Variants in FMNL1 observed in about 807,000 individuals in gnomAD.
FMNL1 encodes the protein formin like 1.
In FMNL1, 43 loss-of-function variants were observed where a neutral mutation model predicts 121.3. The observed-to-expected ratio is 0.35, with a 90% CI of 0.28 to 0.46. The LOEUF is 0.46. Ranked by LOEUF, FMNL1 falls within the 20% of genes least tolerant of loss-of-function variation. The probability of loss-of-function intolerance (pLI) is 1.00; values close to 1 mark genes in which losing one functional copy is unlikely to be tolerated. For synonymous variants in FMNL1, 613 were observed against 613.5 expected, an observed-to-expected ratio of 1.00 and a Z score of 0.01; for missense variants, 1,191 against 1,482.4, an observed-to-expected ratio of 0.80 and a Z score of 3.23.
At chr17:45,229,249 C>T (rs2043391600) in intron 1 of FMNL1, among the ~76,000 whole-genome samples, 1 of 152,258 alleles carries the variant, frequency 6.6e-6, no homozygotes, top group Non-Finnish European at 1.5e-5. Context: ...TCCAGCAGGG[C>T]CTGGCCGGAA....
chr17:45,238,691 A>G, intron 10 of FMNL1, 53 bp downstream of exon 10: 1 of 1,608,070 alleles, frequency 6.2e-7, no homozygotes, highest in Non-Finnish European at 8.5e-7. Flanking sequence ...TCTTGGGTGC[A>G]GGGAGCAGCT....
Position 45,233,743 on chromosome 17 carries a change from G to C in FMNL1, c.485+12G>C. 6.2e-7 allele frequency: 1 copy of C among 1,613,674 alleles called. No homozygotes were observed. Among genetic ancestry groups the C allele is most frequent in the Middle Eastern group, 1.6e-4 (1 of 6,062 alleles). On this transcript the variant is annotated intron_variant, in intron 5 of 26. Coordinates refer to ENST00000331495, the MANE Select transcript of FMNL1 (RefSeq NM_005892.4). This position sits in a 1 kb window ranked among gnomAD's most constrained non-coding sequence, Gnocchi z 4.1. ...CAGTGCTCTGTCACGTAAGCCCCCT[G>C]CTCCCAGCCCTCATGCCGCTCCTCA...
rs998835559 is a variant in FMNL1, at chr17:45,241,788, C to T, written c.1586-59C>T. The stretch of plus-strand genomic sequence containing the variant: ...CGTAGAGCGGAGAGGCGGAGAGGGG[C>T]CCACCCAAGTCAAGGAGCTGACTCG... On this transcript the variant is annotated intron_variant, in intron 14 of 26. Transcript: ENST00000331495. This position sits in a 1 kb window ranked among gnomAD's most constrained non-coding sequence, Gnocchi z 7.0. 30 of 1,402,890 alleles carry T rather than the reference C, an allele frequency of 2.1e-5. No homozygotes were observed. The African/African-American group carries it at 3.6e-4, about 17-fold the overall frequency. The allele number at this position is 1,402,890 out of a possible 1,614,324, so 86.9% of individuals were successfully genotyped here. A position where few individuals can be genotyped will look rare whatever the true frequency, so the allele number is the denominator to read the frequency against.
intron 7 of FMNL1, chr17:45,236,666 G>A (rs956186248): frequency 6.3e-6 from 1 of 159,854 alleles, no homozygotes; most frequent in African/African-American, 2.4e-5. Flanking sequence ...GAAACACAAA[G>A]GTTTTTAAAA....
chr17:45,239,386 A>C (rs1598201682), intron 11 of FMNL1: 1 of 300,794 alleles, frequency 3.3e-6, no homozygotes, highest in South Asian at 4.4e-5. Flanking sequence ...CTCTGGGAGC[A>C]CCAGCCTCAG....
At chr17:45,245,997 G>A (rs1598215118) in intron 24 of FMNL1, 24 bp downstream of exon 24, 1 of 1,533,722 alleles carries the variant, frequency 6.5e-7, no homozygotes, top group Non-Finnish European at 8.7e-7. Context: ...CCTGGGCTTG[G>A]TACTGGGCTG....
chr17:45,237,155 C>T lies in FMNL1; in HGVS notation c.724-126C>T, dbSNP rs1371904061. ...AGAAACAAGGCCAGGTTTTGGTGGC[C>T]ACAGAAGTTGCGGTTGGATACAAAG... On this transcript the variant is annotated intron_variant, in intron 7 of 26. Coordinates refer to ENST00000331495, the MANE Select transcript of FMNL1 (RefSeq NM_005892.4). This position sits in a 1 kb window ranked among gnomAD's most constrained non-coding sequence, Gnocchi z 4.4. The T allele has an allele frequency of 2.6e-6, 2 of 781,946 alleles. No individual in the cohort carries two copies. The highest frequency in any genetic ancestry group is 1.8e-5 in the African/African-American group (1 of 56,796). The allele number at this position is 781,946 out of a possible 1,614,324, so 48.4% of individuals were successfully genotyped here.
chr17:45,233,259 A>G lies in FMNL1; in HGVS notation c.363A>G (p.Leu121=), dbSNP rs2043478036. The change falls in exon 4 of 27, where the codon CTA becomes CTG. Residue 121 remains leucine (L), a synonymous_variant. Coordinates refer to ENST00000331495, the MANE Select transcript of FMNL1 (RefSeq NM_005892.4). This position sits in a 1 kb window ranked among gnomAD's most constrained non-coding sequence, Gnocchi z 4.1. ...GAGTTCAGGAGTCCACGCAGGTGCTACGGGAGCTGGAGACCTCCCTGAGGA... is the reference window on the plus strand; with the variant it reads ...GAGTTCAGGAGTCCACGCAGGTGCTGCGGGAGCTGGAGACCTCCCTGAGGA... ...KRRVQESTQV[L]RELETSLRTN... 1.9e-6 allele frequency: 3 copies of G among 1,562,036 alleles called. No homozygotes were observed. The highest frequency in any genetic ancestry group is 4.7e-5 in the East Asian group (2 of 42,392).
At chr17:45,234,007 C>G in intron 5 of FMNL1, 65 bp from the exon 6 acceptor site, 1 of 1,585,356 alleles carries the variant, frequency 6.3e-7, no homozygotes, top group Non-Finnish European at 8.6e-7. Context: ...CCTTGCGTTT[C>G]CTCTGCCCCC....
At chr17:45,239,694 T>C (rs933568862) in intron 11 of FMNL1, among the ~76,000 whole-genome samples, 2 of 152,154 alleles carry the variant, frequency 1.3e-5, no homozygotes, top group African/African-American at 4.8e-5. Flanking sequence ...TGGAGTATTA[T>C]TCAGCCACAA....
Position 45,241,003 on chromosome 17 carries a change from C to A in FMNL1, c.1231-126C>A. The stretch of plus-strand genomic sequence containing the variant: ...AGTGCCAGGCTCGGCCCACCCTTGG[C>A]ACCTGGGCTGAGCGGATCTGGGAGC... On this transcript the variant is annotated intron_variant, in intron 12 of 26. Transcript: ENST00000331495. This position sits in a 1 kb window ranked among gnomAD's most constrained non-coding sequence, Gnocchi z 7.0. 2.5e-6 allele frequency: 3 copies of A among 1,223,054 alleles called. No individual in the cohort carries two copies. Among genetic ancestry groups the A allele is most frequent in the Admixed American group, 2.0e-5 (1 of 49,656 alleles). 75.8% of individuals were successfully genotyped at this position (1,223,054 alleles called of 1,614,324 possible). A position where few individuals can be genotyped will look rare whatever the true frequency, so the allele number is the denominator to read the frequency against.
intron 10 of FMNL1, 132 bp from the exon 11 acceptor site, chr17:45,238,823 G>T: frequency 9.4e-7 from 1 of 1,060,888 alleles, no homozygotes; most frequent in Non-Finnish European, 1.4e-6. Flanking sequence ...TGAAATGTTG[G>T]GCAGGCCAAG....
At chr17:45,240,697 A>T (rs991848441) in intron 12 of FMNL1, 72 bp downstream of exon 12, 18 of 1,542,072 alleles carry the variant, frequency 1.2e-5, no homozygotes, top group Non-Finnish European at 1.6e-5. Context: ...GGGCCACGCA[A>T]GCATGGGCAC....
chr17:45,239,210 C>G (rs1230685320), intron 11 of FMNL1, 145 bp downstream of exon 11: 2 of 642,942 alleles, frequency 3.1e-6, no homozygotes, highest in Non-Finnish European at 5.7e-6. Flanking sequence ...TTGGATAGGC[C>G]TCTTCCTCTC....
chr17:45,239,461 C>T lies in FMNL1; in HGVS notation c.1080+396C>T, dbSNP rs369143072. ...GATACAGGGTAGAAGCAGGAGTTGG[C>T]TCATGCTGGATGGGCCCAGGACATG... On this transcript the variant is annotated intron_variant, in intron 11 of 26. Coordinates refer to ENST00000331495, the MANE Select transcript of FMNL1 (RefSeq NM_005892.4). 1.2e-3 allele frequency among the ~76,000 whole-genome samples: 178 copies of T among 152,288 alleles called. 4 individuals are homozygous for T. The highest frequency in any genetic ancestry group is 4.1e-3 in the African/African-American group (171 of 41,576).
intron 12 of FMNL1, 43 bp downstream of exon 12, chr17:45,240,668 A>T: frequency 6.3e-7 from 1 of 1,592,184 alleles, no homozygotes; most frequent in Non-Finnish European, 8.6e-7. Flanking sequence ...TCATAGGCCC[A>T]CAGGGCACAC....
At position 45,241,758 on chromosome 17, in the gene FMNL1, G is replaced by T. The variant is rs903465070; in HGVS notation, c.1586-89G>T. On this transcript the variant is annotated intron_variant, in intron 14 of 26. Coordinates refer to ENST00000331495, the MANE Select transcript of FMNL1 (RefSeq NM_005892.4). This position sits in a 1 kb window ranked among gnomAD's most constrained non-coding sequence, Gnocchi z 7.0. ...TTGTAGGCTCGGCTCAGGTAGGAGC[G>T]CATGCGTAGAGCGGAGAGGCGGAGA... 12 of 1,425,218 alleles carry T rather than the reference G, an allele frequency of 8.4e-6. No individual in the cohort carries two copies. The highest frequency in any genetic ancestry group is 1.4e-5 in the African/African-American group (1 of 69,112). The allele number at this position is 1,425,218 out of a possible 1,614,324, so 88.3% of individuals were successfully genotyped here.
chr17:45,233,660 G>T lies in FMNL1; in HGVS notation c.414G>T (p.Glu138Asp). Residue 138 changes from glutamate to aspartate, a missense_variant, in exon 5 of 27, where the codon GAG becomes GAT. Physicochemically the swap from Glu to Asp is conservative, Grantham distance 45. Around this residue, in one of 4 missense-constraint regions of FMNL1, gnomAD observed 253 missense variants for 417.5 expected, o/e 0.61. Coordinates refer to ENST00000331495, the MANE Select transcript of FMNL1 (RefSeq NM_005892.4). This position sits in a 1 kb window ranked among gnomAD's most constrained non-coding sequence, Gnocchi z 4.1. ...CCTGTGCCCACAGGTGGGTGCAGGA[G>T]TTCCTCAATGAAGAGAACCGTGGCC... ...LRTNHIGWVQ[E>D]FLNEENRGLD... 6.2e-7 allele frequency: 1 copy of T among 1,614,074 alleles called. No individual in the cohort carries two copies. The highest frequency in any genetic ancestry group is 8.5e-7 in the Non-Finnish European group (1 of 1,179,998).
rs1444737164 is a variant in FMNL1 at position 45,230,706 on chromosome 17, C to A, written c.213+19C>A. On this transcript the variant is annotated intron_variant, in intron 2 of 26. Transcript: ENST00000331495. Reference sequence around the variant, plus strand: ...TGATCAGGTAGGTGCCAGCACTGCCCAGCCACCCCTTCCCTCCCACTGTCA... The same window carrying A: ...TGATCAGGTAGGTGCCAGCACTGCCAAGCCACCCCTTCCCTCCCACTGTCA... 1.2e-6 allele frequency: 2 copies of A among 1,611,962 alleles called. No homozygotes were observed. Among genetic ancestry groups the A allele is most frequent in the Non-Finnish European group, 1.7e-6 (2 of 1,178,818 alleles).
Sources: allele counts gnomAD v4.1 joint callset (sites outside exome capture counted in the v4.1 genomes callset), GRCh38; gene constraint gnomAD v4.1.1; regional missense constraint gnomAD v4.1.1; non-coding constraint Gnocchi (gnomAD v3.1); transcripts MANE v1.5; gene names NCBI Gene and HGNC (gene_info 2026-07-23, HGNC 2026-07-21).